Variants in HKDC1 observed in about 807,000 individuals in gnomAD.
HKDC1 encodes the protein hexokinase domain containing 1.
HKDC1 carries 66 observed loss-of-function variants against 96.6 expected under a neutral mutation model. That is an observed-to-expected ratio of 0.68 (90% CI 0.56 to 0.84). HKDC1 has a LOEUF of 0.84. HKDC1 is among the 40% of genes least tolerant of loss of function. The pLI, the probability that HKDC1 is intolerant of heterozygous loss-of-function variation, is 0.00. For missense variants in HKDC1, 1,211 were observed against 1,208.1 expected (o/e 1.00, Z -0.04); for synonymous variants, 466 against 473.1 (o/e 0.98, Z 0.20).
At chr10:69,261,334 A>G in intron 16 of HKDC1, 40 bp downstream of exon 16, 2 of 1,595,196 alleles carry the variant, frequency 1.3e-6, no homozygotes, top group Non-Finnish European at 1.7e-6. Flanking sequence ...TCTGACTGGC[A>G]TATGCTGCCA....
At chr10:69,223,684 C>T (rs995601406) in intron 1 of HKDC1, among the ~76,000 whole-genome samples, 4 of 146,632 alleles carry the variant, frequency 2.7e-5, no homozygotes, top group African/African-American at 1.0e-4. Context: ...CTCCAGGGCT[C>T]AAGCGATTCT....
chr10:69,226,985 T>G (rs1843168125), intron 1 of HKDC1, among the ~76,000 whole-genome samples: 1 of 152,160 alleles, frequency 6.6e-6, no homozygotes. Context: ...TTCAGAGAAG[T>G]AACTCCACAC....
chr10:69,236,724 G>A (rs1011674132), intron 4 of HKDC1, among the ~76,000 whole-genome samples: 1 of 151,372 alleles, frequency 6.6e-6, no homozygotes, highest in Admixed American at 6.6e-5. Flanking sequence ...AGGTTGCAGT[G>A]AGCTGAGATG....
intron 7 of HKDC1, among the ~76,000 whole-genome samples, 190 bp downstream of exon 7, chr10:69,243,555 G>A (rs1843490226): frequency 6.8e-6 from 1 of 146,266 alleles, no homozygotes; most frequent in African/African-American, 2.6e-5. Context: ...GAAGTGCGGT[G>A]GCACGATCTT....
intron 12 of HKDC1, among the ~76,000 whole-genome samples, chr10:69,252,303 G>A (rs571789522): frequency 6.6e-6 from 1 of 152,108 alleles, no homozygotes; most frequent in Admixed American, 6.5e-5. Context: ...CTTGAGGCCA[G>A]GAGTTCAAGA....
chr10:69,260,207 G>A (rs1389690121), intron 15 of HKDC1, among the ~76,000 whole-genome samples: 2 of 152,222 alleles, frequency 1.3e-5, no homozygotes, highest in Admixed American at 6.5e-5. Context: ...CTGTTGAACT[G>A]AGAATGTTGT....
At chr10:69,262,683 T>C (rs1335948236) in intron 16 of HKDC1, among the ~76,000 whole-genome samples, 1 of 151,838 alleles carries the variant, frequency 6.6e-6, no homozygotes, top group Admixed American at 6.6e-5. Context: ...TTAAGGGGAG[T>C]TCTTATTGTT....
chr10:69,235,672 A>G (rs951770199), intron 4 of HKDC1, among the ~76,000 whole-genome samples: 4 of 152,152 alleles, frequency 2.6e-5, no homozygotes, highest in Non-Finnish European at 5.9e-5. Context: ...GAAGGAAGAA[A>G]ATTCTCAAGC....
At chr10:69,264,809 C>T (rs1843866200) in intron 16 of HKDC1, among the ~76,000 whole-genome samples, 1 of 152,234 alleles carries the variant, frequency 6.6e-6, no homozygotes, top group Non-Finnish European at 1.5e-5. Flanking sequence ...TTACCTGAGA[C>T]AGTCAAGGAT....
chr10:69,229,812 C>T (rs1028676960), intron 2 of HKDC1, among the ~76,000 whole-genome samples: 1 of 152,166 alleles, frequency 6.6e-6, no homozygotes, highest in Non-Finnish European at 1.5e-5. Context: ...GTGCCGAGGT[C>T]CCTGGGCCCA....
Position 69,250,328 on chromosome 10 carries a change from A to C in HKDC1, c.1609A>C (p.Asn537His). Reference protein sequence around the residue: ...KFLALDLGGTNFRVLLVKIRS... With the variant: ...KFLALDLGGTHFRVLLVKIRS... ...TCTCGCCCTGGATCTTGGGGGAACC[A>C]ACTTCCGGGTCCTCCTGGTGAAGAT... Residue 537 changes from asparagine to histidine, a missense_variant, in exon 11 of 18, where the codon AAC (asparagine) becomes CAC (histidine). By Grantham distance (68) the Asn-to-His change is moderately conservative. Transcript: ENST00000354624. The C allele has an allele frequency of 6.2e-7, 1 of 1,614,070 alleles. No homozygotes were observed. The highest frequency in any genetic ancestry group is 8.5e-7 in the Non-Finnish European group (1 of 1,179,948).
rs200060654 is a variant in HKDC1, at chr10:69,232,910, G to A, written c.373G>A (p.Glu125Lys). The change falls in exon 3 of 18, where the codon GAG (glutamate) becomes AAG (lysine). Residue 125 changes from glutamate (E) to lysine (K), a missense_variant and splice_region_variant. Physicochemically the swap from Glu to Lys is moderately conservative, Grantham distance 56. Transcript: ENST00000354624. Reference sequence around the variant, plus strand: ...TGAAATCATCCGCGGGAACGGCACAGAGGTACCTGGCAGGTGGCTCCTGTG... The same window carrying A: ...TGAAATCATCCGCGGGAACGGCACAAAGGTACCTGGCAGGTGGCTCCTGTG... The part of the protein sequence containing the change: ...PNEIIRGNGT[E>K]LFEYVADCLA... 1 of 1,612,306 alleles carries A rather than the reference G, an allele frequency of 6.2e-7. No homozygotes were observed. The highest frequency in any genetic ancestry group is 1.3e-5 in the African/African-American group (1 of 75,062).
chr10:69,246,409 G>A (rs1256223483), intron 8 of HKDC1, among the ~76,000 whole-genome samples, 175 bp downstream of exon 8: 1 of 152,250 alleles, frequency 6.6e-6, no homozygotes, highest in African/African-American at 2.4e-5. Flanking sequence ...ACTCAGATGA[G>A]AGGTTCTTGT....
intron 1 of HKDC1, among the ~76,000 whole-genome samples, chr10:69,224,534 C>T (rs940026198): frequency 1.3e-5 from 2 of 152,160 alleles, no homozygotes; most frequent in African/African-American, 4.8e-5. Flanking sequence ...CCACCCGCCT[C>T]GGCCTCCCAA....
chr10:69,250,362 G>T lies in HKDC1; in HGVS notation c.1643G>T (p.Gly548Val). 6.2e-7 allele frequency: 1 copy of T among 1,614,170 alleles called. No homozygotes were observed. Reference protein sequence around the residue: ...FRVLLVKIRSGRRSVRMYNKI... With the variant: ...FRVLLVKIRSVRRSVRMYNKI... ...GTCCTCCTGGTGAAGATCAGAAGTG[G>T]ACGGAGGTCAGTGCGAATGTACAAC... Residue 548 changes from glycine (G) to valine (V), a missense_variant, in exon 11 of 18, where the codon GGA becomes GTA. Coordinates refer to ENST00000354624, the MANE Select transcript of HKDC1 (RefSeq NM_025130.4).
At chr10:69,250,183 C>T (rs1843615484) in intron 10 of HKDC1, 107 bp from the exon 11 acceptor site, 1 of 1,272,948 alleles carries the variant, frequency 7.9e-7, no homozygotes. Context: ...CTATGAGGCC[C>T]AGGAGTGCAG....
intron 9 of HKDC1, among the ~76,000 whole-genome samples, chr10:69,248,215 CA>C (rs1589411832): frequency 1.1e-5 from 1 of 87,848 alleles, no homozygotes; most frequent in Non-Finnish European, 2.2e-5. Flanking sequence ...ACAGAATAAG[CA>C]CTTCCCCGAG....
In HKDC1 at chr10:69,238,368, C is replaced by CTTTTTTTTTTTTTTTTTTTTT. The variant is rs55819248; in HGVS notation, c.496-655_496-654insTTTTTTTTTTTTTTTTTTTTT. Among the ~76,000 whole-genome samples, 33 of 61,348 alleles carry CTTTTTTTTTTTTTTTTTTTTT rather than the reference C, an allele frequency of 5.4e-4. 1 individual carries two copies. Among genetic ancestry groups the CTTTTTTTTTTTTTTTTTTTTT allele is most frequent in the Non-Finnish European group, 8.2e-4 (27 of 33,044 alleles). 40.2% of individuals were successfully genotyped at this position (61,348 alleles called of 152,430 possible). Reference sequence around the variant, plus strand: ...GCATGTATAATACACCAGGTATTTTCTTTTTTTTTTTTTTTTTTTGAGACG... The same window carrying CTTTTTTTTTTTTTTTTTTTTT: ...GCATGTATAATACACCAGGTATTTTCTTTTTTTTTTTTTTTTTTTTTTTTTTTTTTTTTTTTTTTTGAGACG... On this transcript the variant is annotated intron_variant, in intron 4 of 17. Transcript: ENST00000354624.
At chr10:69,232,032 GCAA>G (rs1471590996) in intron 2 of HKDC1, among the ~76,000 whole-genome samples, 1 of 152,102 alleles carries the variant, frequency 6.6e-6, no homozygotes, top group Non-Finnish European at 1.5e-5. Flanking sequence ...AGCAACAGCA[GCAA>G]CATCACCAAG....
Sources: allele counts gnomAD v4.1 joint callset (sites outside exome capture counted in the v4.1 genomes callset), GRCh38; gene constraint gnomAD v4.1.1; transcripts MANE v1.5; gene names NCBI Gene and HGNC (gene_info 2026-07-23, HGNC 2026-07-21).